Variants in CBLN2 observed in about 807,000 individuals in gnomAD.
CBLN2 encodes cerebellin-2.
A neutral mutation model predicts 15.0 loss-of-function variants in CBLN2; 7 were observed. That is an observed-to-expected ratio of 0.47 (90% CI 0.27 to 0.88). The LOEUF is 0.88. Ranked by LOEUF, CBLN2 falls within the 40% of genes least tolerant of loss-of-function variation. CBLN2 has a pLI of 0.14. For synonymous variants in CBLN2, 149 were observed against 135.2 expected (o/e 1.10, Z -0.71); for missense variants, 242 against 304.5 (o/e 0.79, Z 1.53).
upstream of CBLN2, among the ~76,000 whole-genome samples, chr18:72,546,013 C>A (rs1007275707): frequency 6.6e-6 from 1 of 152,142 alleles, no homozygotes; most frequent in Admixed American, 6.5e-5. Context: ...AAGCTATAAG[C>A]ATTCTTATAT....
At chr18:72,615,190 A>G (rs1433834291) in intron 1 of CBLN2, among the ~76,000 whole-genome samples, 1 of 135,894 alleles carries the variant, frequency 7.4e-6, no homozygotes, top group Non-Finnish European at 1.6e-5. Context: ...TATATTATAT[A>G]TAAATATATA....
At chr18:72,568,044 T>C (rs538255975) in intron 1 of CBLN2, among the ~76,000 whole-genome samples, 1 of 152,336 alleles carries the variant, frequency 6.6e-6, no homozygotes, top group East Asian at 1.9e-4. Context: ...TCAGAAGCTT[T>C]GATTTCATTT....
chr18:72,562,354 C>T (rs989716840), intron 1 of CBLN2, among the ~76,000 whole-genome samples: 5 of 151,978 alleles, frequency 3.3e-5, no homozygotes, highest in African/African-American at 4.8e-5. Flanking sequence ...TTAGATAAAA[C>T]GGAAAAGAGG....
Position 72,538,099 on chromosome 18 carries a change from AG to A in CBLN2, c.*76del. 1 of 1,437,496 alleles carries A rather than the reference AG, an allele frequency of 7.0e-7. No homozygotes were observed. The highest frequency in any genetic ancestry group is 9.8e-7 in the Non-Finnish European group (1 of 1,025,224). The allele number at this position is 1,437,496 out of a possible 1,614,324, so 89.0% of individuals were successfully genotyped here. ...GGTTGGAAACAAGGTGTCCAATTCC[AG>A]TAAGTTCAGGGTGTTTTAAAGGGCG... On this transcript the variant is annotated 3_prime_UTR_variant, in exon 5 of 5. Transcript: ENST00000269503.
chr18:72,612,004 C>G (rs1224958830), intron 1 of CBLN2, among the ~76,000 whole-genome samples: 4 of 152,046 alleles, frequency 2.6e-5, no homozygotes, highest in African/African-American at 9.7e-5. Flanking sequence ...GGAATCCTTT[C>G]TTCATTGTTT....
Position 72,621,087 on chromosome 18 carries a change from C to A in CBLN2, c.15+17238G>T, listed in dbSNP as rs182627018. On this transcript the variant is annotated intron_variant, in intron 1 of 2. Transcript: ENST00000581073. ...GGAATTACATGGAAACTTGCCAGTG[C>A]CCTTTCCTTTCATATGTTTCTATTT... Among the ~76,000 whole-genome samples, 140 of 152,208 alleles carry A rather than the reference C, an allele frequency of 9.2e-4. 1 individual carries two copies. In the Middle Eastern group the frequency reaches 0.01, roughly 11 times the overall value.
chr18:72,546,342 C>T (rs1047630244), upstream of CBLN2, among the ~76,000 whole-genome samples: 1 of 151,690 alleles, frequency 6.6e-6, no homozygotes, highest in Non-Finnish European at 1.5e-5. Context: ...GAGGCTGAGG[C>T]AGGAGAATGG....
chr18:72,555,454 G>A lies in CBLN2; in HGVS notation c.16-16682C>T, dbSNP rs984331134. On this transcript the variant is annotated intron_variant, in intron 1 of 2. Coordinates refer to the CBLN2 transcript ENST00000581073. ...TGACTATGTGTGTGTGGGCGTGTGTGTGTGTGTGTGTCAGGGAAGCAGAAA... is the reference window on the plus strand; with the variant it reads ...TGACTATGTGTGTGTGGGCGTGTGTATGTGTGTGTGTCAGGGAAGCAGAAA... Among the ~76,000 whole-genome samples the A allele has an allele frequency of 5.3e-5, 8 of 152,148 alleles. No homozygotes were observed. The Middle Eastern group carries it at 0.01, about 194-fold the overall frequency.
At chr18:72,587,806 G>A (rs979644888) in intron 1 of CBLN2, among the ~76,000 whole-genome samples, 8 of 152,150 alleles carry the variant, frequency 5.3e-5, no homozygotes, top group Non-Finnish European at 7.4e-5. Flanking sequence ...ACAAAGCCAA[G>A]TGCAAACTTC....
rs760495793 is a variant in CBLN2 at position 72,538,724 on chromosome 18, C to A, written c.406G>T (p.Val136Leu). ...CTATAAATCCCTTTTCTCGGTGCTA[C>A]AAATATACTGGAAGCAAGATCAAAG... is the stretch of plus-strand genomic sequence containing the variant. ...NHFDLASSIFVAPRKGIYSFS... is the reference protein window; with the variant it reads ...NHFDLASSIFLAPRKGIYSFS... The change falls in exon 4 of 5, where the codon GTA becomes TTA. Residue 136 changes from valine to leucine, a missense_variant. Coordinates refer to ENST00000269503, the MANE Select transcript of CBLN2 (RefSeq NM_182511.4). The A allele has an allele frequency of 6.2e-7, 1 of 1,613,958 alleles. No individual in the cohort carries two copies. Among genetic ancestry groups the A allele is most frequent in the East Asian group, 2.2e-5 (1 of 44,878 alleles).
intron 1 of CBLN2, among the ~76,000 whole-genome samples, chr18:72,579,245 C>T (rs553145989): frequency 7.4e-4 from 112 of 152,300 alleles, no homozygotes; most frequent in African/African-American, 2.7e-3. Flanking sequence ...AGAATTCCCA[C>T]TAATGTTTTC....
chr18:72,609,406 C>T (rs1189850943), intron 1 of CBLN2, among the ~76,000 whole-genome samples: 3 of 151,914 alleles, frequency 2.0e-5, no homozygotes, highest in Non-Finnish European at 4.4e-5. Context: ...AGAGGAGAGA[C>T]CATTTGAAGA....
At chr18:72,593,286 C>A (rs918683166) in intron 1 of CBLN2, among the ~76,000 whole-genome samples, 4 of 151,902 alleles carry the variant, frequency 2.6e-5, no homozygotes, top group African/African-American at 9.7e-5. Context: ...AATGGGATTA[C>A]TTTCTTGATT....
chr18:72,592,187 G>A (rs1197249684), intron 1 of CBLN2, among the ~76,000 whole-genome samples: 4 of 152,142 alleles, frequency 2.6e-5, no homozygotes, highest in African/African-American at 7.2e-5. Flanking sequence ...TTGGACATAA[G>A]CCATTTTAAC....
At chr18:72,633,522 G>A (rs2069790832) in intron 1 of CBLN2, among the ~76,000 whole-genome samples, 1 of 152,152 alleles carries the variant, frequency 6.6e-6, no homozygotes, top group Non-Finnish European at 1.5e-5. Context: ...GGAGCAGCAG[G>A]AGAACTCATA....
chr18:72,619,877 C>T (rs937220676), intron 1 of CBLN2, among the ~76,000 whole-genome samples: 1 of 152,210 alleles, frequency 6.6e-6, no homozygotes, highest in Admixed American at 6.5e-5. Flanking sequence ...TCAGTCCACC[C>T]ATGTCTAACC....
intron 1 of CBLN2, among the ~76,000 whole-genome samples, chr18:72,577,779 C>G (rs546128259): frequency 6.6e-6 from 1 of 152,262 alleles, no homozygotes; most frequent in Non-Finnish European, 1.5e-5. Context: ...TTGCACATTT[C>G]AATATGTAGA....
Position 72,538,050 on chromosome 18 carries a change from C to A in CBLN2, c.*126G>T. 1 of 920,130 alleles carries A rather than the reference C, an allele frequency of 1.1e-6. No individual in the cohort carries two copies. The highest frequency in any genetic ancestry group is 1.7e-6 in the Non-Finnish European group (1 of 596,414). 57.0% of individuals were successfully genotyped at this position (920,130 alleles called of 1,614,324 possible). ...ACTGGAGGTTTCAAAGGAAATCATT[C>A]TTCTACTGCAACAGTCTGACGGAGG... On this transcript the variant is annotated 3_prime_UTR_variant, in exon 5 of 5. Transcript: ENST00000269503.
intron 1 of CBLN2, among the ~76,000 whole-genome samples, chr18:72,580,438 A>G (rs2144917579): frequency 6.6e-6 from 1 of 152,324 alleles, no homozygotes; most frequent in East Asian, 1.9e-4. Context: ...GTTTGTTTCT[A>G]TCATAACCCT....
Sources: gnomAD v4.1 joint callset for allele counts (sites outside exome capture counted in the v4.1 genomes callset) on GRCh38, gnomAD v4.1.1 for gene constraint, MANE v1.5 for transcripts, NCBI Gene and HGNC (gene_info 2026-07-23, HGNC 2026-07-21) for gene names.